Variants in ALK observed in about 807,000 individuals in gnomAD.
The protein encoded by ALK is ALK receptor tyrosine kinase.
A neutral mutation model predicts 163.1 loss-of-function variants in ALK; 74 were observed. The ratio of observed to expected loss-of-function variants is 0.45; its 90% CI spans 0.38 to 0.55. The LOEUF (loss-of-function observed/expected upper bound fraction) is 0.55, where lower values mean the gene tolerates loss of function less well. Ranked by LOEUF, ALK falls within the 20% of genes least tolerant of loss-of-function variation. The pLI is 0.00. For missense variants in ALK, 2,063 were observed against 2,105.3 expected, an observed-to-expected ratio of 0.98 and a Z score of 0.39; for synonymous variants, 960 against 843.2, an observed-to-expected ratio of 1.14 and a Z score of -2.40.
chr2:29,716,342 A>G (rs1425596321), intron 2 of ALK, among the ~76,000 whole-genome samples: 2 of 152,250 alleles, frequency 1.3e-5, no homozygotes, highest in East Asian at 1.9e-4. Flanking sequence ...GGCTTTATGC[A>G]TATCTTCCAT....
intron 4 of ALK, among the ~76,000 whole-genome samples, chr2:29,504,149 G>T (rs12990857): frequency 6.6e-6 from 1 of 152,102 alleles, no homozygotes; most frequent in Admixed American, 6.5e-5. Flanking sequence ...AGCTCCAAAG[G>T]ATGAGTGGGA....
At chr2:29,275,594 A>C in intron 9 of ALK, 98 bp from the exon 10 acceptor site, 1 of 1,296,224 alleles carries the variant, frequency 7.7e-7, no homozygotes, top group South Asian at 1.2e-5. Context: ...CTGGCTCAGA[A>C]TGTGAGTTTG....
At chr2:29,242,864 TG>T (rs2148190859) in intron 12 of ALK, among the ~76,000 whole-genome samples, 2 of 152,378 alleles carry the variant, frequency 1.3e-5, no homozygotes, top group East Asian at 3.9e-4. Flanking sequence ...TTTCTGTGGC[TG>T]GGTTGTACTT....
chr2:29,425,268 T>C lies in ALK; in HGVS notation c.1155-41409A>G, dbSNP rs564827346. 2.0e-5 allele frequency among the ~76,000 whole-genome samples: 3 copies of C among 152,290 alleles called. No individual in the cohort carries two copies. The East Asian group carries it at 5.8e-4, about 29-fold the overall frequency. ...CTTTTCCCCTCCCGGCTCAATATAATGGAAATTCCATTCCAGGAAGGTTTA... is the reference window on the plus strand; with the variant it reads ...CTTTTCCCCTCCCGGCTCAATATAACGGAAATTCCATTCCAGGAAGGTTTA... On this transcript the variant is annotated intron_variant, in intron 4 of 28. Coordinates refer to ENST00000389048, the MANE Select transcript of ALK (RefSeq NM_004304.5).
intron 4 of ALK, among the ~76,000 whole-genome samples, chr2:29,470,905 T>A (rs116969366): frequency 6.6e-6 from 1 of 152,292 alleles, no homozygotes; most frequent in East Asian, 1.9e-4. Context: ...GTAAAATACA[T>A]GACAACAAAA....
At chr2:29,686,092 G>T (rs1678232028) in intron 3 of ALK, among the ~76,000 whole-genome samples, 1 of 152,162 alleles carries the variant, frequency 6.6e-6, no homozygotes, top group South Asian at 2.1e-4. Context: ...AGTCCCTTTT[G>T]CCCTATAAAG....
At chr2:29,548,098 T>G (rs926840381) in intron 3 of ALK, among the ~76,000 whole-genome samples, 38 of 152,188 alleles carry the variant, frequency 2.5e-4, no homozygotes, top group African/African-American at 9.2e-4. Context: ...TTGCCTAGAA[T>G]ATGAACATAA....
At chr2:29,837,561 G>A (rs1183692814) in intron 1 of ALK, among the ~76,000 whole-genome samples, 1 of 152,162 alleles carries the variant, frequency 6.6e-6, no homozygotes, top group Admixed American at 6.5e-5. Context: ...CAAGACTGTG[G>A]AGAATCCTCG....
chr2:29,623,303 A>G (rs4666257), intron 3 of ALK, among the ~76,000 whole-genome samples: 97,257 of 152,104 alleles, frequency 0.64, 32,068 homozygotes, highest in Middle Eastern at 0.75. Flanking sequence ...TAGAAATAAC[A>G]TAAATGTCCA....
chr2:29,382,903 G>A (rs1668938484), intron 5 of ALK, among the ~76,000 whole-genome samples: 4 of 152,188 alleles, frequency 2.6e-5, no homozygotes. Flanking sequence ...TAAATGAAGA[G>A]CCACAGGGGC....
At chr2:29,791,293 T>C (rs916737322) in intron 1 of ALK, among the ~76,000 whole-genome samples, 6 of 152,152 alleles carry the variant, frequency 3.9e-5, no homozygotes, top group African/African-American at 1.2e-4. Context: ...TGGAATACTA[T>C]GCAGCCATAA....
chr2:29,872,655 T>C (rs1666609896), intron 1 of ALK, among the ~76,000 whole-genome samples: 1 of 152,176 alleles, frequency 6.6e-6, no homozygotes, highest in Non-Finnish European at 1.5e-5. Flanking sequence ...CCCAGGAAAA[T>C]TTCAAAATTC....
chr2:29,673,493 T>C (rs1414668288), intron 3 of ALK, among the ~76,000 whole-genome samples: 1 of 102,462 alleles, frequency 9.8e-6, no homozygotes, highest in East Asian at 2.5e-4. Context: ...GTTGTAGATA[T>C]GCGGCGTTAT....
chr2:29,373,955 A>G (rs533303648), intron 5 of ALK, among the ~76,000 whole-genome samples: 113 of 152,370 alleles, frequency 7.4e-4, no homozygotes, highest in African/African-American at 2.6e-3. Context: ...CTTAGGAGGC[A>G]AGAGAAGCAG....
chr2:29,359,603 C>T (rs982935416), intron 5 of ALK, among the ~76,000 whole-genome samples: 1 of 152,234 alleles, frequency 6.6e-6, no homozygotes, highest in African/African-American at 2.4e-5. Flanking sequence ...TAATTTATGG[C>T]TGTTCCACTT....
chr2:29,724,564 GTTAA>G (rs1679515696), intron 1 of ALK, among the ~76,000 whole-genome samples: 1 of 152,190 alleles, frequency 6.6e-6, no homozygotes, highest in South Asian at 2.1e-4. Flanking sequence ...GGGCGATGTT[GTTAA>G]TTTAGTCTGA....
chr2:29,293,058 C>T (rs72790293), intron 9 of ALK, among the ~76,000 whole-genome samples: 2,745 of 152,306 alleles, frequency 0.018, 40 homozygotes, highest in Non-Finnish European at 0.029. Flanking sequence ...AAAGAAAGCA[C>T]AGGTACCAGG....
chr2:29,594,325 C>G (rs1396399906), intron 3 of ALK, among the ~76,000 whole-genome samples: 1 of 151,950 alleles, frequency 6.6e-6, no homozygotes, highest in Non-Finnish European at 1.5e-5. Context: ...TATCTCTTCC[C>G]AACTCCACAT....
chr2:29,770,295 T>C (rs1196184487), intron 1 of ALK, among the ~76,000 whole-genome samples: 1 of 152,236 alleles, frequency 6.6e-6, no homozygotes, highest in Non-Finnish European at 1.5e-5. Flanking sequence ...GGAGAGCTTT[T>C]CCAAGGGGAT....
Sources: allele counts gnomAD v4.1 joint callset (sites outside exome capture counted in the v4.1 genomes callset), GRCh38; gene constraint gnomAD v4.1.1; transcripts MANE v1.5; gene names NCBI Gene and HGNC (gene_info 2026-07-23, HGNC 2026-07-21).